The following PRKCB variants were observed in gnomAD, a reference collection of about 807,000 sequenced individuals.
PRKCB encodes the protein protein kinase C beta type.
PRKCB carries 13 observed loss-of-function variants against 81.5 expected under a neutral mutation model. The observed-to-expected ratio is 0.16, with a 90% CI of 0.10 to 0.25. The LOEUF is 0.25. Among genes scored for constraint, PRKCB ranks in the 10% least tolerant of loss-of-function variants. The pLI, the probability that PRKCB is intolerant of heterozygous loss-of-function variation, is 1.00. For synonymous variants in PRKCB, 335 were observed against 321.4 expected (o/e 1.04, Z -0.45); for missense variants, 509 against 875.7 (o/e 0.58, Z 5.29).
At chr16:23,984,949 T>C (rs556496184) in intron 2 of PRKCB, among the ~76,000 whole-genome samples, 1 of 152,210 alleles carries the variant, frequency 6.6e-6, no homozygotes, top group East Asian at 1.9e-4. Flanking sequence ...ATAATAAAAA[T>C]ATTATTTGGG....
At chr16:23,979,645 G>C (rs1401314828) in intron 2 of PRKCB, among the ~76,000 whole-genome samples, 1 of 152,134 alleles carries the variant, frequency 6.6e-6, no homozygotes, top group East Asian at 1.9e-4. Context: ...AATGGCGGGG[G>C]TGAGGAAAGC....
At position 24,219,110 on chromosome 16, in the gene PRKCB, C is replaced by T; in HGVS notation, c.*4294C>T. The T allele has an allele frequency of 1.0e-5, 10 of 985,376 alleles. No homozygotes were observed. Among genetic ancestry groups the T allele is most frequent in the Non-Finnish European group, 1.2e-5 (10 of 829,942 alleles). The allele number at this position is 985,376 out of a possible 1,614,324, so 61.0% of individuals were successfully genotyped here. On this transcript the variant is annotated 3_prime_UTR_variant, in exon 17 of 17. Coordinates refer to ENST00000643927, the MANE Select transcript of PRKCB (RefSeq NM_002738.7). ...GCATCATACAGATTCCTTTATTAGC[C>T]CACATTCTGATGTTCCCTGGTGAGA...
chr16:24,192,111 A>G (rs1246764730), intron 16 of PRKCB, among the ~76,000 whole-genome samples: 1 of 152,254 alleles, frequency 6.6e-6, no homozygotes, highest in African/African-American at 2.4e-5. Flanking sequence ...GAGTGTTAAG[A>G]TGAAGAAGAT....
At chr16:24,036,691 G>A (rs1198581015) in intron 5 of PRKCB, among the ~76,000 whole-genome samples, 4 of 152,116 alleles carry the variant, frequency 2.6e-5, no homozygotes, top group Non-Finnish European at 5.9e-5. Flanking sequence ...TAGAAAATGT[G>A]CAATCCATTG....
intron 3 of PRKCB, among the ~76,000 whole-genome samples, chr16:24,003,671 G>A (rs1180832984): frequency 2.6e-5 from 4 of 152,048 alleles, no homozygotes; most frequent in African/African-American, 7.2e-5. Flanking sequence ...AGGCGTGAGC[G>A]ACTGCACCCA....
chr16:24,093,807 T>C (rs1243801427), intron 6 of PRKCB, among the ~76,000 whole-genome samples: 2 of 152,220 alleles, frequency 1.3e-5, no homozygotes, highest in East Asian at 3.8e-4. Context: ...TCAACCCACC[T>C]GTGTGCAGAT....
intron 3 of PRKCB, among the ~76,000 whole-genome samples, chr16:24,021,059 C>CCTCCCTCT (rs1965368814): frequency 2.1e-5 from 1 of 46,678 alleles, no homozygotes; most frequent in African/African-American, 8.3e-5. Flanking sequence ...TCTTTCTTTC[C>CCTCCCTCT]CTCCCTCCCT....
intron 2 of PRKCB, among the ~76,000 whole-genome samples, chr16:23,948,971 G>A (rs1002095610): frequency 2.0e-5 from 3 of 152,136 alleles, no homozygotes; most frequent in African/African-American, 4.8e-5. Context: ...TCTACACCTG[G>A]GCTGGGCACG....
At chr16:23,859,507 A>G (rs934722933) in intron 2 of PRKCB, among the ~76,000 whole-genome samples, 9 of 152,172 alleles carry the variant, frequency 5.9e-5, no homozygotes, top group African/African-American at 2.2e-4. Flanking sequence ...TAAATCACAC[A>G]TTGATAACTC....
chr16:24,129,520 C>CATCT (rs138115366), intron 9 of PRKCB, among the ~76,000 whole-genome samples: 16,521 of 151,248 alleles, frequency 0.11, 1,037 homozygotes, highest in East Asian at 0.2. Context: ...CATGCACGTG[C>CATCT]ATCTATCTAT....
intron 5 of PRKCB, among the ~76,000 whole-genome samples, chr16:24,060,540 T>G (rs1002605583): frequency 2.6e-5 from 4 of 152,210 alleles, no homozygotes; most frequent in African/African-American, 9.7e-5. Context: ...GATCCCTCTC[T>G]CAGCACAGAG....
In PRKCB at chr16:23,882,000, T is replaced by TTCTTTCTTTCTTTC. The variant is rs1555481642; in HGVS notation, c.205+44596_205+44609dup. Among the ~76,000 whole-genome samples, 213 of 81,702 alleles carry TTCTTTCTTTCTTTC rather than the reference T, an allele frequency of 2.6e-3. 6 individuals carry two copies. Among genetic ancestry groups the TTCTTTCTTTCTTTC allele is most frequent in the African/African-American group, 0.011 (202 of 18,498 alleles). 53.6% of individuals were successfully genotyped at this position (81,702 alleles called of 152,430 possible). A position where few individuals can be genotyped will look rare whatever the true frequency, so the allele number is the denominator to read the frequency against. On this transcript the variant is annotated intron_variant, in intron 2 of 16. Transcript: ENST00000643927. The stretch of plus-strand genomic sequence containing the variant: ...TTTCTTTCTTTCTTTCTTTCTTTCT[T>TTCTTTCTTTCTTTC]TCTTTCTTTCTTTCTTTCTTTCTTC...
intron 7 of PRKCB, 145 bp downstream of exon 7, chr16:24,094,442 T>TCC: frequency 8.5e-7 from 1 of 1,177,272 alleles, no homozygotes; most frequent in Non-Finnish European, 1.2e-6. Context: ...GCCTTGCAGA[T>TCC]ATGTTTTGTT....
intron 10 of PRKCB, among the ~76,000 whole-genome samples, chr16:24,160,137 A>G (rs73550954): frequency 0.031 from 4,694 of 151,532 alleles, 256 homozygotes; most frequent in African/African-American, 0.11. Flanking sequence ...TTCCACAATC[A>G]GTAAGTGGCA....
chr16:24,157,555 C>T (rs139098792), intron 10 of PRKCB, among the ~76,000 whole-genome samples: 34 of 151,924 alleles, frequency 2.2e-4, no homozygotes, highest in African/African-American at 5.1e-4. Flanking sequence ...TGCTGAACTC[C>T]GAGTCAATTA....
At chr16:23,988,679 T>TGTG (rs1964833380) in intron 3 of PRKCB, 89 bp downstream of exon 3, 1 of 1,233,090 alleles carries the variant, frequency 8.1e-7, no homozygotes, top group African/African-American at 1.5e-5. Context: ...GACGAGTAAG[T>TGTG]GTGGACGATC....
intron 7 of PRKCB, 149 bp downstream of exon 7, chr16:24,094,446 T>C: frequency 8.8e-7 from 1 of 1,131,446 alleles, no homozygotes; most frequent in Non-Finnish European, 1.2e-6. Context: ...TGCAGATATG[T>C]TTTGTTTGGT....
chr16:24,074,149 A>G (rs1036321375), intron 5 of PRKCB, among the ~76,000 whole-genome samples: 38 of 151,916 alleles, frequency 2.5e-4, no homozygotes, highest in Admixed American at 1.3e-4. Context: ...AAAAAAAAAG[A>G]AGAGCAAGTG....
chr16:23,877,205 C>G (rs1963030243), intron 2 of PRKCB, among the ~76,000 whole-genome samples: 1 of 151,954 alleles, frequency 6.6e-6, no homozygotes, highest in Non-Finnish European at 1.5e-5. Flanking sequence ...AGTAGCCAGG[C>G]ACAGTGCCTG....
Sources: gnomAD v4.1 joint callset for allele counts (sites outside exome capture counted in the v4.1 genomes callset) on GRCh38, gnomAD v4.1.1 for gene constraint, MANE v1.5 for transcripts, NCBI Gene and HGNC (gene_info 2026-07-23, HGNC 2026-07-21) for gene names.